The following TARM1 variants were observed in gnomAD, a reference collection of about 807,000 sequenced individuals.
The protein encoded by TARM1 is T-cell-interacting, activating receptor on myeloid cells protein 1.
TARM1 carries 24 observed loss-of-function variants against 30.4 expected under a neutral mutation model. The observed-to-expected ratio is 0.79, with a 90% CI of 0.57 to 1.11. The LOEUF (loss-of-function observed/expected upper bound fraction) is 1.11. Among genes scored for constraint, TARM1 ranks in the 50% least tolerant of loss-of-function variants. The probability of loss-of-function intolerance (pLI) is 0.00; values close to 1 mark genes in which losing one functional copy is unlikely to be tolerated. For missense variants in TARM1, 323 were observed against 332.8 expected (o/e 0.97, Z 0.23); for synonymous variants, 129 against 138.9 (o/e 0.93, Z 0.50).
intron 4 of TARM1, among the ~76,000 whole-genome samples, chr19:54,073,017 G>A (rs2071849495): frequency 6.6e-6 from 1 of 151,832 alleles, no homozygotes; most frequent in East Asian, 1.9e-4. Context: ...AAACCAAAAC[G>A]CTAAGAGATG....
At chr19:54,073,073 C>G (rs201275739) in intron 4 of TARM1, among the ~76,000 whole-genome samples, 3 of 151,874 alleles carry the variant, frequency 2.0e-5, no homozygotes, top group Admixed American at 2.0e-4. Flanking sequence ...TCATAATTTT[C>G]AAAAACAGCC....
intron 1 of TARM1, chr19:54,076,615 G>A (rs895360745): frequency 2.4e-5 from 4 of 167,682 alleles, no homozygotes; most frequent in South Asian, 1.8e-4. Context: ...CACCCACCTC[G>A]GCCTCCCAAA....
intron 4 of TARM1, among the ~76,000 whole-genome samples, chr19:54,073,118 G>C (rs1431457269): frequency 6.6e-6 from 1 of 151,224 alleles, no homozygotes; most frequent in Non-Finnish European, 1.5e-5. Flanking sequence ...TAACAAAAAG[G>C]CAAAGGAGGG....
At position 54,075,219 on chromosome 19, in the gene TARM1, C is replaced by T. The variant is rs367664910; in HGVS notation, c.71-105G>A. The T allele has an allele frequency of 7.9e-6, 8 of 1,006,536 alleles. No individual in the cohort carries two copies. The African/African-American group carries it at 1.1e-4, about 14-fold the overall frequency. 62.4% of individuals were successfully genotyped at this position (1,006,536 alleles called of 1,614,324 possible). On this transcript the variant is annotated intron_variant, in intron 2 of 4. Coordinates refer to ENST00000432826, the MANE Select transcript of TARM1 (RefSeq NM_001135686.3). The stretch of plus-strand genomic sequence containing the variant: ...TATTATTATTTTGAGATGGAGTCTC[C>T]CTCTGTTGCCCAGGCTAGAGTGCAG...
At chr19:54,073,548 C>T (rs2146209581) in intron 4 of TARM1, among the ~76,000 whole-genome samples, 1 of 151,242 alleles carries the variant, frequency 6.6e-6, no homozygotes, top group South Asian at 2.1e-4. Context: ...GGCTGGAGTG[C>T]AGTGGCAAGA....
At chr19:54,075,257 A>C in intron 2 of TARM1, 143 bp from the exon 3 acceptor site, 1 of 689,906 alleles carries the variant, frequency 1.4e-6, no homozygotes, top group Non-Finnish European at 2.2e-6. Context: ...GTGCAATCTC[A>C]GTTCACTGCA....
intron 1 of TARM1, among the ~76,000 whole-genome samples, chr19:54,079,710 G>C (rs2072048308): frequency 6.6e-6 from 1 of 151,580 alleles, no homozygotes; most frequent in African/African-American, 2.4e-5. Flanking sequence ...AAATTACACG[G>C]GGCACTGTGG....
At chr19:54,081,173 A>G (rs900341518) in intron 1 of TARM1, 134 bp downstream of exon 1, 12 of 787,816 alleles carry the variant, frequency 1.5e-5, no homozygotes, top group Non-Finnish European at 2.5e-5. Flanking sequence ...TCTGCAGTGC[A>G]CTCAGCAGGA....
chr19:54,079,272 A>G (rs1377483155), intron 1 of TARM1, among the ~76,000 whole-genome samples: 4 of 151,266 alleles, frequency 2.6e-5, no homozygotes, highest in Non-Finnish European at 4.4e-5. Flanking sequence ...TCCGAAAAAA[A>G]AAAAAAAAAA....
intron 4 of TARM1, among the ~76,000 whole-genome samples, chr19:54,072,614 G>A (rs1181644188): frequency 1.3e-5 from 2 of 152,118 alleles, no homozygotes; most frequent in African/African-American, 4.8e-5. Context: ...AAAGTGCTGG[G>A]ATTACAGGCC....
At position 54,073,883 on chromosome 19, in the gene TARM1, A is replaced by G. The variant is rs1165069576; in HGVS notation, c.658+37T>C. The G allele has an allele frequency of 8.5e-6, 13 of 1,535,396 alleles. No homozygotes were observed. The South Asian group carries it at 1.6e-4, about 18-fold the overall frequency. ...AACAAAACAATCTCTGATTAAAAAC[A>G]ACACACACAGTTCCTCAAAACCATA... On this transcript the variant is annotated intron_variant, in intron 4 of 4. Coordinates refer to ENST00000432826, the MANE Select transcript of TARM1 (RefSeq NM_001135686.3).
chr19:54,080,726 A>G (rs1359478891), intron 1 of TARM1, among the ~76,000 whole-genome samples: 15 of 152,120 alleles, frequency 9.9e-5, no homozygotes, highest in African/African-American at 3.6e-4. Flanking sequence ...TAATCCCAGC[A>G]CTTTGAGAGA....
intron 1 of TARM1, among the ~76,000 whole-genome samples, chr19:54,080,241 C>T (rs1242123355): frequency 6.6e-6 from 1 of 150,984 alleles, no homozygotes; most frequent in African/African-American, 2.4e-5. Flanking sequence ...CTTTGGGAGG[C>T]CGAGGCGGGC....
chr19:54,075,900 C>G lies in TARM1; in HGVS notation c.53G>C (p.Gly18Ala). ...ACACTCACCATCTCCCCTTGTGTCT[C>G]CTTGGCCCACGCACAGTCCTGCAAG... ...LLCFRLCVGQ[G>A]DTRGDGSLPK... is the part of the protein sequence containing the mutation. The change falls in exon 2 of 5, where the codon GGA becomes GCA. Residue 18 changes from glycine (G) to alanine (A), a missense_variant. Transcript: ENST00000432826. 6.4e-7 allele frequency: 1 copy of G among 1,551,354 alleles called. No individual in the cohort carries two copies.
chr19:54,072,222 C>G (rs749636760), intron 4 of TARM1, among the ~76,000 whole-genome samples: 53 of 152,056 alleles, frequency 3.5e-4, no homozygotes, highest in Non-Finnish European at 6.0e-4. Flanking sequence ...CTCTGGTCTC[C>G]CACTTACCTG....
At chr19:54,079,242 T>G (rs1600213215) in intron 1 of TARM1, among the ~76,000 whole-genome samples, 2 of 127,002 alleles carry the variant, frequency 1.6e-5, no homozygotes, top group South Asian at 2.4e-4. Context: ...CCAGCCTGGG[T>G]GACGAAGCAA....
intron 1 of TARM1, among the ~76,000 whole-genome samples, chr19:54,080,990 T>C (rs1434882100): frequency 6.6e-6 from 1 of 151,780 alleles, no homozygotes; most frequent in African/African-American, 2.4e-5. Flanking sequence ...TAAAATAAAA[T>C]AAAATAAAAT....
intron 2 of TARM1, 81 bp downstream of exon 2, chr19:54,075,802 G>C: frequency 6.8e-7 from 1 of 1,464,582 alleles, no homozygotes; most frequent in Non-Finnish European, 9.3e-7. Context: ...AAAAAAAAGA[G>C]AAAAAGAGGG....
chr19:54,081,290 A>G lies in TARM1; in HGVS notation c.34+17T>C. 2 of 1,548,184 alleles carry G rather than the reference A, an allele frequency of 1.3e-6. No homozygotes were observed. Among genetic ancestry groups the G allele is most frequent in the Non-Finnish European group, 1.7e-6 (2 of 1,145,858 alleles). On this transcript the variant is annotated intron_variant, in intron 1 of 4. Transcript: ENST00000432826. ...ATGATTTTCTGCAGTCCCAGTGGAT[A>G]GCCCTGTGAGACTTACTGAAACAGA...
Sources: allele counts gnomAD v4.1 joint callset (sites outside exome capture counted in the v4.1 genomes callset), GRCh38; gene constraint gnomAD v4.1.1; transcripts MANE v1.5; gene names NCBI Gene and HGNC (gene_info 2026-07-23, HGNC 2026-07-21).